The following BAZ1B variants were observed in gnomAD, a reference collection of about 807,000 sequenced individuals.
The protein encoded by BAZ1B is tyrosine-protein kinase BAZ1B.
In BAZ1B, 22 loss-of-function variants were observed where a neutral mutation model predicts 153.8. The observed-to-expected ratio is 0.14, with a 90% CI of 0.10 to 0.20. The LOEUF (loss-of-function observed/expected upper bound fraction) is 0.20, where lower values mean the gene tolerates loss of function less well. BAZ1B is among the 10% of genes least tolerant of loss of function. The pLI is 1.00. For synonymous variants in BAZ1B, 676 were observed against 633.4 expected (o/e 1.07, Z -1.01); for missense variants, 1,325 against 1,799.3 (o/e 0.74, Z 4.77).
chr7:73,447,240 T>C (rs1787871045), intron 16 of BAZ1B, 24 bp downstream of exon 16: 3 of 1,613,074 alleles, frequency 1.9e-6, no homozygotes, highest in Non-Finnish European at 1.7e-6. Context: ...TGAAATCAAC[T>C]ACAAAGGCAG....
At chr7:73,466,190 T>A (rs1227888177) in intron 10 of BAZ1B, 106 bp downstream of exon 10, 1 of 781,162 alleles carries the variant, frequency 1.3e-6, no homozygotes, top group Non-Finnish European at 2.1e-6. Flanking sequence ...ACACAAAGTA[T>A]CCTGCGCAAA....
At chr7:73,469,421 T>G in intron 9 of BAZ1B, 96 bp downstream of exon 9, 1 of 1,465,244 alleles carries the variant, frequency 6.8e-7, no homozygotes, top group Non-Finnish European at 9.3e-7. Context: ...ATAAAGAAAT[T>G]CTGCAAATGG....
chr7:73,487,000 G>C (rs1346775881), intron 6 of BAZ1B, among the ~76,000 whole-genome samples: 2 of 152,148 alleles, frequency 1.3e-5, no homozygotes, highest in African/African-American at 4.8e-5. Context: ...TATTGTTTAA[G>C]GTAGGGAAAA....
intron 4 of BAZ1B, among the ~76,000 whole-genome samples, chr7:73,494,623 C>T (rs1352210502): frequency 6.6e-6 from 1 of 151,966 alleles, no homozygotes; most frequent in African/African-American, 2.4e-5. Context: ...GTGATGCACA[C>T]GTGTGGTCCC....
chr7:73,478,581 G>T lies in BAZ1B; in HGVS notation c.892-12C>A. 1 of 1,474,582 alleles carries T rather than the reference G, an allele frequency of 6.8e-7. No homozygotes were observed. The highest frequency in any genetic ancestry group is 1.5e-5 in the South Asian group (1 of 67,168). The allele number at this position is 1,474,582 out of a possible 1,614,324, so 91.3% of individuals were successfully genotyped here. On this transcript the variant is annotated splice_polypyrimidine_tract_variant and intron_variant, in intron 6 of 19. Coordinates refer to ENST00000339594, the MANE Select transcript of BAZ1B (RefSeq NM_032408.4). ...TTGAGAGTCATATACTAGAATTTAA[G>T]AATAGGAGCAAAATTAATTTTAAAA...
At chr7:73,462,487 A>C (rs1788428794) in intron 12 of BAZ1B, 1 of 208,802 alleles carries the variant, frequency 4.8e-6, no homozygotes, top group Non-Finnish European at 9.7e-6. Flanking sequence ...ACAGGACTGT[A>C]ATGACAGCAC....
chr7:73,510,962 A>G, intron 1 of BAZ1B, 110 bp from the exon 2 acceptor site: 1 of 875,492 alleles, frequency 1.1e-6, no homozygotes, highest in South Asian at 1.6e-5. Context: ...TAAAATGTGT[A>G]GCATGAGAGG....
intron 13 of BAZ1B, among the ~76,000 whole-genome samples, chr7:73,453,865 G>C (rs1367054171): frequency 1.3e-5 from 2 of 152,102 alleles, no homozygotes; most frequent in Non-Finnish European, 2.9e-5. Context: ...TGTGGTCCCA[G>C]TTACTTGGGA....
At chr7:73,494,573 T>C (rs1248854881) in intron 4 of BAZ1B, among the ~76,000 whole-genome samples, 1 of 151,982 alleles carries the variant, frequency 6.6e-6, no homozygotes, top group Non-Finnish European at 1.5e-5. Context: ...GGTGAGACCC[T>C]GTCTCTAAAC....
rs782697900 is a variant in BAZ1B at position 73,442,711 on chromosome 7, A to G, written c.4094+14T>C. 2 of 1,612,096 alleles carry G rather than the reference A, an allele frequency of 1.2e-6. No homozygotes were observed. Among genetic ancestry groups the G allele is most frequent in the Non-Finnish European group, 8.5e-7 (1 of 1,178,632 alleles). Reference sequence around the variant, plus strand: ...GCCACTCCTCTCCCCTGCACCTGAGAACACAGCACTCACCTGAAGGGCCAG... The same window carrying G: ...GCCACTCCTCTCCCCTGCACCTGAGGACACAGCACTCACCTGAAGGGCCAG... On this transcript the variant is annotated intron_variant, in intron 18 of 19. Transcript: ENST00000339594.
At chr7:73,441,894 T>C (rs1787631632) in intron 19 of BAZ1B, 2 of 418,190 alleles carry the variant, frequency 4.8e-6, no homozygotes, top group African/African-American at 2.0e-5. Flanking sequence ...AGCAGGCCCT[T>C]AGGAAAGAAG....
At chr7:73,484,147 T>C (rs1384046467) in intron 6 of BAZ1B, among the ~76,000 whole-genome samples, 1 of 152,078 alleles carries the variant, frequency 6.6e-6, no homozygotes, top group African/African-American at 2.4e-5. Flanking sequence ...GTGCCTGTAG[T>C]CCCAGCTACT....
chr7:73,466,459 A>G (rs1554571180), intron 9 of BAZ1B, 58 bp from the exon 10 acceptor site: 1 of 1,237,976 alleles, frequency 8.1e-7, no homozygotes, highest in African/African-American at 1.5e-5. Flanking sequence ...CTAGTTTCAA[A>G]TCTAAGCAGT....
Position 73,508,328 on chromosome 7 carries a change from T to A in BAZ1B, c.368A>T (p.Glu123Val). The A allele has an allele frequency of 1.2e-6, 2 of 1,613,126 alleles. No homozygotes were observed. Among genetic ancestry groups the A allele is most frequent in the Non-Finnish European group, 1.7e-6 (2 of 1,179,622 alleles). Reference sequence around the variant, plus strand: ...AATCAGAAACGAACAGGCACTCACCTCGAAGTCACACTCTTCTCCCACAGC... The same window carrying A: ...AATCAGAAACGAACAGGCACTCACCACGAAGTCACACTCTTCTCCCACAGC... ...KYAVGEECDF[E>V]VGKEKMLKVK... The change falls in exon 3 of 20, where the codon GAG becomes GTG. Residue 123 changes from glutamate (E) to valine (V), a missense_variant and splice_region_variant. Glu to Val is a moderately radical substitution (Grantham distance 121, BLOSUM62 -2). Transcript: ENST00000339594.
intron 5 of BAZ1B, among the ~76,000 whole-genome samples, chr7:73,490,121 T>C (rs1789577296): frequency 6.6e-6 from 1 of 152,114 alleles, no homozygotes; most frequent in South Asian, 2.1e-4. Context: ...TCATCTAGGG[T>C]ACTATTAAAA....
chr7:73,522,121 C>T lies in BAZ1B; in HGVS notation c.-188G>A, dbSNP rs1361420022. 4.9e-6 allele frequency: 2 copies of T among 411,512 alleles called. No homozygotes were observed. Among genetic ancestry groups the T allele is most frequent in the Non-Finnish European group, 8.4e-6 (2 of 238,714 alleles). 25.5% of individuals were successfully genotyped at this position (411,512 alleles called of 1,614,324 possible). A position where few individuals can be genotyped will look rare whatever the true frequency, so the allele number is the denominator to read the frequency against. ...GCGCGACAGTCATGGAGCGGAACGC[C>T]ACGGCGCAGAGCTCCCGCGCACACC... is the stretch of plus-strand genomic sequence containing the variant. On this transcript the variant is annotated 5_prime_UTR_variant, in exon 1 of 20. Transcript: ENST00000339594.
intron 1 of BAZ1B, among the ~76,000 whole-genome samples, chr7:73,514,807 C>A (rs1394099863): frequency 6.6e-6 from 1 of 151,888 alleles, no homozygotes; most frequent in Non-Finnish European, 1.5e-5. Flanking sequence ...TTAGCCCGGG[C>A]ATGGTGGGTC....
intron 13 of BAZ1B, among the ~76,000 whole-genome samples, chr7:73,452,765 C>T (rs1788066013): frequency 6.6e-6 from 1 of 151,696 alleles, no homozygotes; most frequent in African/African-American, 2.4e-5. Context: ...CAGCAGGCTC[C>T]TCGACTTATG....
rs557829411 is a variant in BAZ1B at position 73,442,613 on chromosome 7, G to A, written c.4095-60C>T. 2.1e-4 allele frequency: 332 copies of A among 1,559,924 alleles called. 3 individuals carry two copies. In the South Asian group the frequency reaches 3.7e-3, roughly 17 times the overall value. ...CCTTGACGGCAGTGCCCCTGCCACT[G>A]AGACACGTCCTGAAAAGCAAGGGCT... On this transcript the variant is annotated intron_variant, in intron 18 of 19. Coordinates refer to ENST00000339594, the MANE Select transcript of BAZ1B (RefSeq NM_032408.4).
Sources: gnomAD v4.1 joint callset for allele counts (sites outside exome capture counted in the v4.1 genomes callset) on GRCh38, gnomAD v4.1.1 for gene constraint, MANE v1.5 for transcripts, NCBI Gene and HGNC (gene_info 2026-07-23, HGNC 2026-07-21) for gene names.